Variants in PCARE observed in about 807,000 individuals in gnomAD.
PCARE encodes the protein photoreceptor cilium actin regulator, also known as uncharacterized protein C2orf71.
PCARE carries 72 observed loss-of-function variants against 82.2 expected under a neutral mutation model. The observed-to-expected ratio is 0.88, with a 90% CI of 0.72 to 1.07. The LOEUF (loss-of-function observed/expected upper bound fraction) is 1.07, where lower values mean the gene tolerates loss of function less well. PCARE is among the 50% of genes least tolerant of loss of function. PCARE has a pLI of 0.00. For missense variants in PCARE, 1,768 were observed against 1,592.4 expected (o/e 1.11, Z -1.88); for synonymous variants, 705 against 634.8 (o/e 1.11, Z -1.66).
rs1358649212 is a variant in PCARE at position 29,072,838 on chromosome 2, G to C, written c.1424C>G (p.Pro475Arg). Residue 475 changes from proline (P) to arginine (R), a missense_variant, in exon 1 of 2, where the codon CCG becomes CGG. Coordinates refer to ENST00000331664, the MANE Select transcript of PCARE (RefSeq NM_001029883.3). ...GTCACTAAGAGATGAAGCGTCCATC[G>C]GCCTGGAGGTTTTGGAAAGGTGTGG... ...VEPHLSKTSR[P>R]MDASSLSDSE... The C allele has an allele frequency of 1.9e-6, 3 of 1,614,096 alleles. No individual in the cohort carries two copies. In the South Asian group the frequency reaches 3.3e-5, roughly 18 times the overall value.
Position 29,074,229 on chromosome 2 carries a change from T to G in PCARE, c.33A>C (p.Val11=). The change falls in exon 1 of 2, where the codon GTA becomes GTC. Residue 11 remains valine (V), a synonymous_variant. Transcript: ENST00000331664. MGCTPSHSDL[V]NSVAKSGIQF... Reference sequence around the variant, plus strand: ...GAATGCCACTCTTTGCAACGCTGTTTACAAGGTCACTGTGTGAAGGTGTAC... The same window carrying G: ...GAATGCCACTCTTTGCAACGCTGTTGACAAGGTCACTGTGTGAAGGTGTAC... 6.3e-7 allele frequency: 1 copy of G among 1,575,128 alleles called. No individual in the cohort carries two copies. Among genetic ancestry groups the G allele is most frequent in the Non-Finnish European group, 8.6e-7 (1 of 1,160,938 alleles).
rs759292070 is a variant in PCARE, at chr2:29,074,097, C to T, written c.165G>A (p.Glu55=). 3.1e-6 allele frequency: 5 copies of T among 1,614,074 alleles called. No homozygotes were observed. The East Asian group carries it at 1.1e-4, about 36-fold the overall frequency. ...GACTTGGCTGCTCCTCTGCCAGGCC[C>T]TCCCCAGCGTCATAGCAGGTGGAGT... is the stretch of plus-strand genomic sequence containing the variant. ...VKNSTCYDAG[E]GLAEEQPSPR... is the part of the protein sequence containing the mutation. Residue 55 remains glutamate, a synonymous_variant, in exon 1 of 2, where the codon GAG becomes GAA. Transcript: ENST00000331664.
chr2:29,069,074 T>A (rs9808565), intron 1 of PCARE, among the ~76,000 whole-genome samples: 20,023 of 152,166 alleles, frequency 0.13, 2,436 homozygotes, highest in East Asian at 0.33. Context: ...CGCGTCTACA[T>A]GAGGTGTGAG....
chr2:29,062,287 G>A lies in PCARE; in HGVS notation c.*2582C>T, dbSNP rs1452376284. On this transcript the variant is annotated 3_prime_UTR_variant, in exon 2 of 2. Coordinates refer to ENST00000331664, the MANE Select transcript of PCARE (RefSeq NM_001029883.3). Reference sequence around the variant, plus strand: ...GCTGGGGGCTTTTATGACATCGTGTGTGGGGACCTATGGCAGGAGCCTCGC... The same window carrying A: ...GCTGGGGGCTTTTATGACATCGTGTATGGGGACCTATGGCAGGAGCCTCGC... 1 of 152,322 alleles carries A rather than the reference G, an allele frequency of 6.6e-6. No individual in the cohort carries two copies. Among genetic ancestry groups the A allele is most frequent in the African/African-American group, 2.4e-5 (1 of 41,448 alleles). 9.4% of individuals were successfully genotyped at this position (152,322 alleles called of 1,614,324 possible).
rs200614399 is a variant in PCARE at position 29,074,141 on chromosome 2, T to C, written c.121A>G (p.Ile41Val). The C allele has an allele frequency of 5.0e-6, 8 of 1,612,968 alleles. No homozygotes were observed. The highest frequency in any genetic ancestry group is 5.9e-6 in the Non-Finnish European group (7 of 1,179,168). ...GCQGGSERGS[I>V]PLLVKNSTCY... ...GTGGAGTTTTTAACCAGCAAAGGGATGGAACCTCTTTCACTTCCGCCCTGA... is the reference window on the plus strand; with the variant it reads ...GTGGAGTTTTTAACCAGCAAAGGGACGGAACCTCTTTCACTTCCGCCCTGA... Residue 41 changes from isoleucine (I) to valine (V), a missense_variant, in exon 1 of 2, where the codon ATC (isoleucine) becomes GTC (valine). Physicochemically the swap from Ile to Val is conservative, Grantham distance 29 (BLOSUM62 3). Coordinates refer to ENST00000331664, the MANE Select transcript of PCARE (RefSeq NM_001029883.3).
In PCARE at chr2:29,071,601, G is replaced by A. The variant is rs1322830289; in HGVS notation, c.2661C>T (p.Ser887=). ...WASPKLRASV[S]PLDLLPSKST... ...TCTTGCTGGGCAGCAAGTCCAGGGG[G>A]CTCACAGAGGCCCTCAGCTTTGGGG... is the stretch of plus-strand genomic sequence containing the variant. Residue 887 remains serine (S), a synonymous_variant, in exon 1 of 2, where the codon AGC becomes AGT. Coordinates refer to ENST00000331664, the MANE Select transcript of PCARE (RefSeq NM_001029883.3). 2 of 1,612,480 alleles carry A rather than the reference G, an allele frequency of 1.2e-6. No homozygotes were observed. The highest frequency in any genetic ancestry group is 1.7e-5 in the Admixed American group (1 of 60,010).
Position 29,072,222 on chromosome 2 carries a change from C to A in PCARE, c.2040G>T (p.Gln680His), listed in dbSNP as rs751860940. ...TGCATTTCTGCAAGATGCTCTTGTC[C>A]TGACTAGGCAAAATACTGAAGTTCT... ...LTKNFSILPS[Q>H]DKSILQKCNP... is the part of the protein sequence containing the mutation. Residue 680 changes from glutamine (Q) to histidine (H), a missense_variant, in exon 1 of 2, where the codon CAG becomes CAT. Coordinates refer to ENST00000331664, the MANE Select transcript of PCARE (RefSeq NM_001029883.3). 1 of 1,614,248 alleles carries A rather than the reference C, an allele frequency of 6.2e-7. No homozygotes were observed. Among genetic ancestry groups the A allele is most frequent in the South Asian group, 1.1e-5 (1 of 91,086 alleles).
chr2:29,071,493 G>T lies in PCARE; in HGVS notation c.2769C>A (p.Asp923Glu), dbSNP rs1222505969. ...SSCQPRKPAL[D>E]LSSPPATSQS... Reference sequence around the variant, plus strand: ...GGCTGGTGGCTGGTGGGCTGCTCAGGTCCAGGGCTGGCTTCCTGGGCTGGC... The same window carrying T: ...GGCTGGTGGCTGGTGGGCTGCTCAGTTCCAGGGCTGGCTTCCTGGGCTGGC... Residue 923 changes from aspartate (D) to glutamate (E), a missense_variant, in exon 1 of 2, where the codon GAC becomes GAA. Asp to Glu is a conservative substitution (Grantham distance 45). Transcript: ENST00000331664. 2.5e-6 allele frequency: 4 copies of T among 1,610,638 alleles called. No individual in the cohort carries two copies. Among genetic ancestry groups the T allele is most frequent in the Admixed American group, 3.3e-5 (2 of 60,030 alleles).
Position 29,070,697 on chromosome 2 carries a change from A to G in PCARE, c.3565T>C (p.Phe1189Leu), listed in dbSNP as rs765572736. ...CGGTCAGAAGCTGTCCTCCTGAGGA[A>G]AGGCAGAGGGTTGAGGGCACACAGA... ...AALCALNPLP[F>L]LRRTASDRQP... Residue 1189 changes from phenylalanine (F) to leucine (L), a missense_variant, in exon 1 of 2, where the codon TTC becomes CTC. Transcript: ENST00000331664. 6.2e-7 allele frequency: 1 copy of G among 1,614,056 alleles called. No homozygotes were observed. Among genetic ancestry groups the G allele is most frequent in the South Asian group, 1.1e-5 (1 of 91,068 alleles).
At position 29,072,410 on chromosome 2, in the gene PCARE, C is replaced by T. The variant is rs373392466; in HGVS notation, c.1852G>A (p.Asp618Asn). 4.3e-6 allele frequency: 7 copies of T among 1,614,094 alleles called. No homozygotes were observed. Among genetic ancestry groups the T allele is most frequent in the Non-Finnish European group, 5.9e-6 (7 of 1,180,052 alleles). ...TFQELRRVQR[D>N]LSQKLEAFYA... ...AATGCCTCCAGCTTCTGACTGAGGT[C>T]CCTCTGGACCCTTCGCAGCTCCTGA... The change falls in exon 1 of 2, where the codon GAC (aspartate) becomes AAC (asparagine). Residue 618 changes from aspartate (D) to asparagine (N), a missense_variant. Physicochemically the swap from Asp to Asn is conservative, Grantham distance 23. Transcript: ENST00000331664.
Position 29,073,068 on chromosome 2 carries a change from C to T in PCARE, c.1194G>A (p.Gln398=). 2 of 1,613,988 alleles carry T rather than the reference C, an allele frequency of 1.2e-6. No individual in the cohort carries two copies. The highest frequency in any genetic ancestry group is 2.2e-5 in the East Asian group (1 of 44,858). ...CTGAGCCCAAACAGAATGGACTTTG[C>T]TGCCAGGTGTGTCCTGACTGCCTGG... The part of the protein sequence containing the change: ...TEARQSGHTW[Q]QSPFCLGSGR... Residue 398 remains glutamine, a synonymous_variant, in exon 1 of 2, where the codon CAG becomes CAA. Coordinates refer to ENST00000331664, the MANE Select transcript of PCARE (RefSeq NM_001029883.3).
chr2:29,067,939 C>T (rs1041484870), intron 1 of PCARE, among the ~76,000 whole-genome samples: 6 of 152,212 alleles, frequency 3.9e-5, no homozygotes, highest in African/African-American at 9.7e-5. Context: ...CTGCCCTATT[C>T]TGAGGAGAAG....
intron 1 of PCARE, 101 bp from the exon 2 acceptor site, chr2:29,065,168 C>T: frequency 7.4e-7 from 1 of 1,349,712 alleles, no homozygotes; most frequent in Non-Finnish European, 1.0e-6. Context: ...CCTCCCCAGC[C>T]CTCTCCCACA....
Position 29,070,673 on chromosome 2 carries a change from G to T in PCARE, c.3589C>A (p.Arg1197Ser), listed in dbSNP as rs369031088. 10 of 1,614,136 alleles carry T rather than the reference G, an allele frequency of 6.2e-6. No homozygotes were observed. The highest frequency in any genetic ancestry group is 8.5e-6 in the Non-Finnish European group (10 of 1,180,018). ...GGCTGCGGTCGGCCACCTGGCTGGC[G>T]GTCAGAAGCTGTCCTCCTGAGGAAA... ...LPFLRRTASD[R>S]QPGGRPQPPT... is the part of the protein sequence containing the mutation. The change falls in exon 1 of 2, where the codon CGC becomes AGC. Residue 1197 changes from arginine (R) to serine (S), a missense_variant. Coordinates refer to ENST00000331664, the MANE Select transcript of PCARE (RefSeq NM_001029883.3).
Position 29,070,831 on chromosome 2 carries a change from G to A in PCARE, c.3431C>T (p.Thr1144Ile), listed in dbSNP as rs1667462111. Reference sequence around the variant, plus strand: ...AGCCTCTGGCGGCAGCGATGGTGGGGTCAGTGGGTGGGCTGTTGAGAGTGG... The same window carrying A: ...AGCCTCTGGCGGCAGCGATGGTGGGATCAGTGGGTGGGCTGTTGAGAGTGG... Reference protein sequence around the residue: ...KPPLSTAHPLTPPSLPPEAGG... With the variant: ...KPPLSTAHPLIPPSLPPEAGG... Residue 1144 changes from threonine (T) to isoleucine (I), a missense_variant, in exon 1 of 2, where the codon ACC becomes ATC. Transcript: ENST00000331664. 6.2e-7 allele frequency: 1 copy of A among 1,614,166 alleles called. No individual in the cohort carries two copies. Among genetic ancestry groups the A allele is most frequent in the Non-Finnish European group, 8.5e-7 (1 of 1,180,044 alleles).
intron 1 of PCARE, 132 bp downstream of exon 1, chr2:29,070,461 CT>C (rs1667452234): frequency 4.4e-5 from 55 of 1,253,206 alleles, no homozygotes; most frequent in East Asian, 7.2e-5. Flanking sequence ...CCCCCTACAC[CT>C]TTTTCCCAAC....
chr2:29,073,781 A>G lies in PCARE; in HGVS notation c.481T>C (p.Tyr161His). The change falls in exon 1 of 2, where the codon TAC (tyrosine) becomes CAC (histidine). Residue 161 changes from tyrosine (Y) to histidine (H), a missense_variant. Transcript: ENST00000331664. ...TCATGAGCAGGGTGGATGGTTTGGT[A>G]GCAGTGGCTCTGTGTGCTTGACGTG... is the stretch of plus-strand genomic sequence containing the variant. Reference protein sequence around the residue: ...CHTSSTQSHCYQTIHPAHEPE... With the variant: ...CHTSSTQSHCHQTIHPAHEPE... 6.2e-7 allele frequency: 1 copy of G among 1,614,238 alleles called. No individual in the cohort carries two copies. Among genetic ancestry groups the G allele is most frequent in the Non-Finnish European group, 8.5e-7 (1 of 1,180,040 alleles).
chr2:29,072,256 G>A lies in PCARE; in HGVS notation c.2006C>T (p.Ser669Phe). The change falls in exon 1 of 2, where the codon TCC becomes TTC. Residue 669 changes from serine to phenylalanine, a missense_variant. Coordinates refer to ENST00000331664, the MANE Select transcript of PCARE (RefSeq NM_001029883.3). ...PSNTTSRLKASLTKNFSILPS... is the reference protein window; with the variant it reads ...PSNTTSRLKAFLTKNFSILPS... ...CAAAATACTGAAGTTCTTGGTGAGG[G>A]ATGCCTTGAGCCTGCTGGTGGTGTT... 1.2e-6 allele frequency: 2 copies of A among 1,614,252 alleles called. No homozygotes were observed. Among genetic ancestry groups the A allele is most frequent in the Non-Finnish European group, 1.7e-6 (2 of 1,180,046 alleles).
chr2:29,072,001 C>G lies in PCARE; in HGVS notation c.2261G>C (p.Gly754Ala). The G allele has an allele frequency of 3.1e-6, 5 of 1,613,880 alleles. No homozygotes were observed. The highest frequency in any genetic ancestry group is 4.2e-6 in the Non-Finnish European group (5 of 1,179,812). Residue 754 changes from glycine (G) to alanine (A), a missense_variant, in exon 1 of 2, where the codon GGG becomes GCG. Coordinates refer to ENST00000331664, the MANE Select transcript of PCARE (RefSeq NM_001029883.3). The part of the protein sequence containing the change: ...LRMLGDSKDA[G>A]ASPCLRNCIM... The stretch of plus-strand genomic sequence containing the variant: ...GCAATTCCTGAGGCAGGGACTTGCC[C>G]CAGCGTCCTTAGAGTCCCCCAGCAT...
Sources: allele counts gnomAD v4.1 joint callset (sites outside exome capture counted in the v4.1 genomes callset), GRCh38; gene constraint gnomAD v4.1.1; transcripts MANE v1.5; gene names NCBI Gene and HGNC (gene_info 2026-07-23, HGNC 2026-07-21).